The following LIPI variants were observed in gnomAD, a reference collection of about 807,000 sequenced individuals.
LIPI encodes the protein lipase I.
In LIPI, 59 loss-of-function variants were observed where a neutral mutation model predicts 50.6. The ratio of observed to expected loss-of-function variants is 1.16; its 90% CI spans 0.94 to 1.45. The LOEUF (loss-of-function observed/expected upper bound fraction) is 1.45. LIPI is among the 40% of genes most tolerant of loss of function. The pLI, the probability that LIPI is intolerant of heterozygous loss-of-function variation, is 0.00. For missense variants in LIPI, 586 were observed against 536.3 expected (o/e 1.09, Z -0.92); for synonymous variants, 203 against 178.2 (o/e 1.14, Z -1.11).
chr21:14,144,826 C>A (rs2017844082), intron 8 of LIPI, 27 bp from the exon 9 acceptor site: 1 of 1,452,818 alleles, frequency 6.9e-7, no homozygotes, highest in Non-Finnish European at 9.6e-7. Context: ...ATACACGCAG[C>A]ATATTAATAA....
At chr21:14,186,920 C>G (rs377387231) in intron 2 of LIPI, among the ~76,000 whole-genome samples, 3 of 152,220 alleles carry the variant, frequency 2.0e-5, no homozygotes, top group East Asian at 3.9e-4. Flanking sequence ...ATAAATGTTT[C>G]TTGTTTATAA....
chr21:14,151,721 A>G (rs1212363164), intron 8 of LIPI, among the ~76,000 whole-genome samples: 1 of 152,182 alleles, frequency 6.6e-6, no homozygotes, highest in Non-Finnish European at 1.5e-5. Context: ...AATTTATTAA[A>G]CACAGAAATA....
chr21:14,175,501 T>G (rs2019063555), intron 4 of LIPI, among the ~76,000 whole-genome samples: 1 of 152,166 alleles, frequency 6.6e-6, no homozygotes, highest in Non-Finnish European at 1.5e-5. Context: ...TATGGCTTGC[T>G]CTTCACATTC....
chr21:14,201,259 G>T (rs1335149146), intron 1 of LIPI, among the ~76,000 whole-genome samples: 1 of 151,926 alleles, frequency 6.6e-6, no homozygotes, highest in Non-Finnish European at 1.5e-5. Context: ...AAATTAACAA[G>T]TGGGATCTAA....
chr21:14,173,176 C>T (rs1344306085), intron 4 of LIPI, among the ~76,000 whole-genome samples: 2 of 152,120 alleles, frequency 1.3e-5, no homozygotes, highest in South Asian at 4.1e-4. Flanking sequence ...AAGAAGCCAG[C>T]GTGGCTGAAG....
At chr21:14,135,462 T>C (rs1380394737) in intron 9 of LIPI, among the ~76,000 whole-genome samples, 4 of 151,808 alleles carry the variant, frequency 2.6e-5, no homozygotes, top group Non-Finnish European at 5.9e-5. Flanking sequence ...TCCCCAGGAG[T>C]GGCGGCATGG....
chr21:14,152,067 CTTA>C (rs200027515), intron 8 of LIPI, among the ~76,000 whole-genome samples: 1 of 144,666 alleles, frequency 6.9e-6, no homozygotes, highest in African/African-American at 2.6e-5. Context: ...TACTCTTTAA[CTTA>C]TTTTATTTAT....
chr21:14,170,144 C>A (rs1329854634), intron 4 of LIPI, among the ~76,000 whole-genome samples: 2 of 152,174 alleles, frequency 1.3e-5, no homozygotes, highest in Admixed American at 1.3e-4. Flanking sequence ...AACACATACA[C>A]CCTCTGAAGA....
intron 7 of LIPI, among the ~76,000 whole-genome samples, chr21:14,156,653 C>T (rs1006001676): frequency 6.6e-6 from 1 of 151,556 alleles, no homozygotes; most frequent in Non-Finnish European, 1.5e-5. Flanking sequence ...CATTTTGATA[C>T]AAATAATGTG....
chr21:14,163,286 A>C, intron 7 of LIPI, 133 bp downstream of exon 7: 1 of 602,784 alleles, frequency 1.7e-6, no homozygotes, highest in Non-Finnish European at 3.0e-6. Context: ...CCCACTGGCT[A>C]TAGCAAATTT....
chr21:14,162,064 T>C (rs1199584945), intron 7 of LIPI, among the ~76,000 whole-genome samples: 2 of 148,548 alleles, frequency 1.3e-5, no homozygotes, highest in African/African-American at 4.9e-5. Flanking sequence ...TCTACCCCTA[T>C]TGATAGATAG....
intron 8 of LIPI, among the ~76,000 whole-genome samples, chr21:14,148,285 T>C (rs1379437979): frequency 1.3e-5 from 2 of 152,160 alleles, no homozygotes; most frequent in Admixed American, 6.6e-5. Context: ...TTCTATTATA[T>C]AATATTATAC....
At chr21:14,148,139 C>T (rs2123076293) in intron 8 of LIPI, among the ~76,000 whole-genome samples, 1 of 152,046 alleles carries the variant, frequency 6.6e-6, no homozygotes, top group South Asian at 2.1e-4. Flanking sequence ...CAATCAGATC[C>T]TAATTTTGCT....
At chr21:14,185,724 AC>A (rs1568875355) in intron 3 of LIPI, among the ~76,000 whole-genome samples, 1 of 152,044 alleles carries the variant, frequency 6.6e-6, no homozygotes, top group Non-Finnish European at 1.5e-5. Flanking sequence ...CTTAAAAAAA[AC>A]AAAAATTAGC....
chr21:14,126,824 A>C (rs961151165), intron 9 of LIPI, among the ~76,000 whole-genome samples: 3 of 152,200 alleles, frequency 2.0e-5, no homozygotes, highest in Admixed American at 6.6e-5. Context: ...TGGAGAAGTC[A>C]AACTTGGGCA....
chr21:14,118,241 A>G (rs932352793), intron 9 of LIPI, among the ~76,000 whole-genome samples: 6 of 152,094 alleles, frequency 3.9e-5, no homozygotes, highest in Non-Finnish European at 7.3e-5. Context: ...CCATCTCATT[A>G]GGCCCCAAGG....
At chr21:14,196,437 A>G (rs2123312849) in intron 1 of LIPI, among the ~76,000 whole-genome samples, 1 of 152,290 alleles carries the variant, frequency 6.6e-6, no homozygotes, top group Admixed American at 6.5e-5. Flanking sequence ...AATTGCAAAA[A>G]GCTAACTAAC....
chr21:14,188,396 C>T lies in LIPI; in HGVS notation c.432+638G>A, dbSNP rs988529648. 1.1e-4 allele frequency among the ~76,000 whole-genome samples: 16 copies of T among 151,870 alleles called. No homozygotes were observed. In the East Asian group the frequency reaches 2.3e-3, roughly 22 times the overall value. On this transcript the variant is annotated intron_variant, in intron 2 of 9. Coordinates refer to ENST00000681601, the MANE Select transcript of LIPI (RefSeq NM_001302998.2). ...CAGCCTGGCCAACATGGTGAAACCTCGTCTCTACTAAAAATACAAAAATTA... is the reference window on the plus strand; with the variant it reads ...CAGCCTGGCCAACATGGTGAAACCTTGTCTCTACTAAAAATACAAAAATTA...
intron 1 of LIPI, among the ~76,000 whole-genome samples, chr21:14,203,795 A>G (rs1458927141): frequency 6.6e-6 from 1 of 152,072 alleles, no homozygotes; most frequent in Non-Finnish European, 1.5e-5. Context: ...GCACATGTAT[A>G]CATATGTAAC....
Sources: allele counts gnomAD v4.1 joint callset (sites outside exome capture counted in the v4.1 genomes callset), GRCh38; gene constraint gnomAD v4.1.1; transcripts MANE v1.5; gene names NCBI Gene and HGNC (gene_info 2026-07-23, HGNC 2026-07-21).